PRKCE: variants seen among roughly 807,000 people sequenced by gnomAD.
PRKCE encodes the protein protein kinase C epsilon type.
PRKCE carries 16 observed loss-of-function variants against 85.4 expected under a neutral mutation model. The observed-to-expected ratio is 0.19, with a 90% CI of 0.13 to 0.28. PRKCE has a LOEUF of 0.28. Ranked by LOEUF, PRKCE falls within the 10% of genes least tolerant of loss-of-function variation. The pLI, the probability that PRKCE is intolerant of heterozygous loss-of-function variation, is 1.00. For missense variants in PRKCE, 573 were observed against 975.2 expected (o/e 0.59, Z 5.49); for synonymous variants, 388 against 371.5 (o/e 1.04, Z -0.51).
intron 5 of PRKCE, among the ~76,000 whole-genome samples, chr2:45,980,717 A>G (rs1702820329): frequency 6.7e-6 from 1 of 150,198 alleles, no homozygotes. Flanking sequence ...CTCACAGGTA[A>G]TAAACAGTAA....
intron 10 of PRKCE, chr2:46,010,887 T>C: frequency 6.7e-7 from 1 of 1,486,952 alleles, no homozygotes; most frequent in Non-Finnish European, 8.9e-7. Context: ...TTTCATGTCA[T>C]ATGAAAAAGA....
At chr2:45,893,301 C>T (rs1182009794) in intron 2 of PRKCE, among the ~76,000 whole-genome samples, 3 of 151,992 alleles carry the variant, frequency 2.0e-5, no homozygotes, top group Admixed American at 1.3e-4. Flanking sequence ...GAGGCTGTTC[C>T]TCAGGATCAT....
chr2:45,851,456 G>A (rs1309830626), intron 2 of PRKCE, among the ~76,000 whole-genome samples: 1 of 152,172 alleles, frequency 6.6e-6, no homozygotes, highest in Admixed American at 6.5e-5. Flanking sequence ...TTTGGGAGGG[G>A]TATGTGTGTG....
At chr2:45,900,780 A>G (rs929826636) in intron 2 of PRKCE, among the ~76,000 whole-genome samples, 1 of 152,250 alleles carries the variant, frequency 6.6e-6, no homozygotes, top group Non-Finnish European at 1.5e-5. Context: ...TGTGTAATTT[A>G]CCACTGTAAA....
chr2:45,877,836 C>T (rs150306036), intron 2 of PRKCE, among the ~76,000 whole-genome samples: 8 of 152,270 alleles, frequency 5.3e-5, no homozygotes, highest in South Asian at 2.1e-4. Flanking sequence ...AAAGCTTGAA[C>T]CTTACATTTG....
At chr2:46,019,328 T>C (rs1401260387) in intron 10 of PRKCE, among the ~76,000 whole-genome samples, 2 of 152,074 alleles carry the variant, frequency 1.3e-5, no homozygotes, top group Non-Finnish European at 2.9e-5. Flanking sequence ...GTCTAAATGG[T>C]CCCCATCTGA....
chr2:46,152,965 G>C (rs1242637743), intron 13 of PRKCE, among the ~76,000 whole-genome samples: 1 of 151,386 alleles, frequency 6.6e-6, no homozygotes, highest in Non-Finnish European at 1.5e-5. Flanking sequence ...CTTTTCTGTA[G>C]TTTTTTTTTC....
At chr2:45,944,892 C>A (rs1403673187) in intron 2 of PRKCE, among the ~76,000 whole-genome samples, 1 of 152,036 alleles carries the variant, frequency 6.6e-6, no homozygotes, top group Admixed American at 6.5e-5. Flanking sequence ...CCTTTGAAAC[C>A]ATTTTGCAAA....
chr2:45,859,456 A>C (rs543429572), intron 2 of PRKCE, among the ~76,000 whole-genome samples: 1 of 152,148 alleles, frequency 6.6e-6, no homozygotes, highest in African/African-American at 2.4e-5. Context: ...GCAATATCCA[A>C]TTGTTTTTTA....
At chr2:45,874,731 C>T (rs1412358102) in intron 2 of PRKCE, among the ~76,000 whole-genome samples, 1 of 152,130 alleles carries the variant, frequency 6.6e-6, no homozygotes, top group Non-Finnish European at 1.5e-5. Flanking sequence ...CTTAGGAGTC[C>T]AACAAGATGC....
intron 10 of PRKCE, among the ~76,000 whole-genome samples, chr2:46,044,288 A>G (rs990766039): frequency 6.6e-6 from 1 of 152,196 alleles, no homozygotes; most frequent in African/African-American, 2.4e-5. Context: ...AGATCTAGCT[A>G]TGTGAAATAA....
At chr2:45,683,325 C>T (rs76166812) in intron 1 of PRKCE, among the ~76,000 whole-genome samples, 2 of 152,118 alleles carry the variant, frequency 1.3e-5, no homozygotes, top group African/African-American at 2.4e-5. Flanking sequence ...CAATTTTTTC[C>T]CCTCAAGCAG....
intron 1 of PRKCE, among the ~76,000 whole-genome samples, chr2:45,739,459 T>A (rs1682364670): frequency 6.6e-6 from 1 of 152,154 alleles, no homozygotes; most frequent in Admixed American, 6.5e-5. Context: ...TCTGTACCCT[T>A]TTACAGCCTG....
chr2:45,877,457 C>A (rs1267628295), intron 2 of PRKCE, among the ~76,000 whole-genome samples: 7 of 152,058 alleles, frequency 4.6e-5, no homozygotes, highest in African/African-American at 1.7e-4. Context: ...TATTTTCCAT[C>A]TTTTTCTTTC....
chr2:45,999,895 A>G (rs1704528399), intron 6 of PRKCE, among the ~76,000 whole-genome samples: 1 of 152,182 alleles, frequency 6.6e-6, no homozygotes, highest in Non-Finnish European at 1.5e-5. Flanking sequence ...TAATAAGCCC[A>G]TCAGAAGCTT....
chr2:45,734,778 C>A (rs1024008918), intron 1 of PRKCE, among the ~76,000 whole-genome samples: 1 of 152,182 alleles, frequency 6.6e-6, no homozygotes, highest in African/African-American at 2.4e-5. Context: ...CTTGCAGCTG[C>A]GCCCCTCCTC....
intron 11 of PRKCE, among the ~76,000 whole-genome samples, chr2:46,124,371 T>C (rs759886954): frequency 6.6e-6 from 1 of 152,116 alleles, no homozygotes; most frequent in African/African-American, 2.4e-5. Context: ...CTGACACTAT[T>C]CCTATTTCTA....
intron 1 of PRKCE, among the ~76,000 whole-genome samples, chr2:45,829,929 C>T (rs531119170): frequency 1.8e-4 from 28 of 151,578 alleles, no homozygotes; most frequent in East Asian, 1.6e-3. Flanking sequence ...AAAAATTAGC[C>T]GGGCGTGGTA....
intron 2 of PRKCE, among the ~76,000 whole-genome samples, chr2:45,878,856 C>T (rs1558785431): frequency 6.6e-6 from 1 of 152,082 alleles, no homozygotes; most frequent in Non-Finnish European, 1.5e-5. Context: ...CTCATGCTGG[C>T]AATTGAAAAG....
Sources: allele counts gnomAD v4.1 joint callset (sites outside exome capture counted in the v4.1 genomes callset), GRCh38; gene constraint gnomAD v4.1.1; transcripts MANE v1.5; gene names NCBI Gene and HGNC (gene_info 2026-07-23, HGNC 2026-07-21).